Variants in MAGI2 observed in about 807,000 individuals in gnomAD.
MAGI2 encodes membrane associated guanylate kinase, WW and PDZ domain containing 2.
In MAGI2, 35 loss-of-function variants were observed where a neutral mutation model predicts 133.3. The ratio of observed to expected loss-of-function variants is 0.26; its 90% CI spans 0.20 to 0.35. The LOEUF is 0.35. MAGI2 is among the 10% of genes least tolerant of loss of function. The pLI is 1.00. For missense variants in MAGI2, 1,636 were observed against 1,863.4 expected, an observed-to-expected ratio of 0.88 and a Z score of 2.25; for synonymous variants, 729 against 710.6, an observed-to-expected ratio of 1.03 and a Z score of -0.41.
intron 6 of MAGI2, among the ~76,000 whole-genome samples, chr7:78,383,549 A>C (rs1795115504): frequency 6.6e-6 from 1 of 152,086 alleles, no homozygotes; most frequent in Non-Finnish European, 1.5e-5. Context: ...TCCATTCAAC[A>C]TGCTGTCTTT....
At chr7:79,429,845 C>T (rs1397709082) in intron 1 of MAGI2, among the ~76,000 whole-genome samples, 1 of 151,836 alleles carries the variant, frequency 6.6e-6, no homozygotes, top group Non-Finnish European at 1.5e-5. Flanking sequence ...CAGAAGTCTA[C>T]CAAATGATTA....
At chr7:78,622,131 AAGAAGAAACAGGG>A (rs1472786314) in intron 3 of MAGI2, among the ~76,000 whole-genome samples, 2 of 152,048 alleles carry the variant, frequency 1.3e-5, no homozygotes, top group Non-Finnish European at 2.9e-5. Flanking sequence ...TCAGATGAGC[AAGAAGAAACAGGG>A]TTTATGGCTC....
chr7:78,100,079 G>C (rs1818069901), intron 20 of MAGI2, among the ~76,000 whole-genome samples: 1 of 152,172 alleles, frequency 6.6e-6, no homozygotes, highest in Admixed American at 6.5e-5. Context: ...TGGGAGCTCA[G>C]ATATGAGACA....
At chr7:78,281,961 TTTTCACTGTGAGTTC>T (rs1795645053) in intron 9 of MAGI2, among the ~76,000 whole-genome samples, 1 of 151,930 alleles carries the variant, frequency 6.6e-6, no homozygotes, top group African/African-American at 2.4e-5. Context: ...TCTTACAGAA[TTTTCACTGTGAGTTC>T]TTTCAAGAGA....
chr7:78,304,013 T>C (rs1798060862), intron 9 of MAGI2, among the ~76,000 whole-genome samples: 1 of 152,220 alleles, frequency 6.6e-6, no homozygotes. Flanking sequence ...GATGGCAATG[T>C]CATTATACAG....
At chr7:78,256,679 C>A (rs1011488682) in intron 9 of MAGI2, 98 bp from the exon 10 acceptor site, 3 of 1,003,928 alleles carry the variant, frequency 3.0e-6, no homozygotes, top group South Asian at 1.5e-5. Flanking sequence ...GGTGTTGTTT[C>A]TTAGTAAGCA....
chr7:78,842,426 C>T (rs1161778095), intron 2 of MAGI2, among the ~76,000 whole-genome samples: 1 of 151,814 alleles, frequency 6.6e-6, no homozygotes, highest in Non-Finnish European at 1.5e-5. Flanking sequence ...GTATTTTTTT[C>T]TTCAGTCATC....
At chr7:79,190,284 C>G (rs1403637264) in intron 1 of MAGI2, among the ~76,000 whole-genome samples, 2 of 151,804 alleles carry the variant, frequency 1.3e-5, no homozygotes, top group Admixed American at 1.3e-4. Flanking sequence ...TCCTCACCAG[C>G]AATTGGTGTT....
chr7:78,019,268 A>T lies in MAGI2; in HGVS notation c.*47T>A. 1 of 1,572,904 alleles carries T rather than the reference A, an allele frequency of 6.4e-7. No individual in the cohort carries two copies. On this transcript the variant is annotated 3_prime_UTR_variant, in exon 22 of 22. Coordinates refer to ENST00000354212, the MANE Select transcript of MAGI2 (RefSeq NM_012301.4). The stretch of plus-strand genomic sequence containing the variant: ...AAAACGCCGTGAGACGGAACCTAAG[A>T]AGAACTGCCTGCGCCGGGGCGGGCG...
At chr7:78,972,056 G>A (rs1002391120) in intron 2 of MAGI2, among the ~76,000 whole-genome samples, 1 of 151,828 alleles carries the variant, frequency 6.6e-6, no homozygotes, top group African/African-American at 2.4e-5. Flanking sequence ...AACTGCGCCT[G>A]CAGCATGATC....
At chr7:79,235,926 A>C (rs998136034) in intron 1 of MAGI2, among the ~76,000 whole-genome samples, 2 of 152,214 alleles carry the variant, frequency 1.3e-5, no homozygotes, top group African/African-American at 4.8e-5. Flanking sequence ...GGTGCTCAAT[A>C]AACAGTTGTT....
At chr7:78,998,959 GT>G (rs1380156129) in intron 2 of MAGI2, among the ~76,000 whole-genome samples, 2 of 152,124 alleles carry the variant, frequency 1.3e-5, no homozygotes, top group African/African-American at 4.8e-5. Context: ...CAGATTCTGA[GT>G]TCCCTGAAAG....
chr7:78,193,466 G>A (rs952061687), intron 12 of MAGI2, among the ~76,000 whole-genome samples: 1 of 152,098 alleles, frequency 6.6e-6, no homozygotes, highest in Admixed American at 6.5e-5. Flanking sequence ...ACTCATCTTT[G>A]GTATCTCCTC....
At chr7:78,167,380 A>G (rs2150639670) in intron 15 of MAGI2, among the ~76,000 whole-genome samples, 1 of 152,304 alleles carries the variant, frequency 6.6e-6, no homozygotes, top group South Asian at 2.1e-4. Flanking sequence ...GGGAATGATT[A>G]TTTCCAATTT....
chr7:78,661,490 T>C (rs1310874369), intron 2 of MAGI2, among the ~76,000 whole-genome samples: 1 of 152,206 alleles, frequency 6.6e-6, no homozygotes, highest in Non-Finnish European at 1.5e-5. Flanking sequence ...ATTTCTCTAG[T>C]CATCCAGATA....
intron 2 of MAGI2, among the ~76,000 whole-genome samples, chr7:78,781,252 G>T (rs954557966): frequency 6.6e-6 from 1 of 151,812 alleles, no homozygotes; most frequent in African/African-American, 2.4e-5. Flanking sequence ...GGTGGCGGGC[G>T]CCTGTAGTCC....
Position 78,283,129 on chromosome 7 carries a change from T to C in MAGI2, c.1409-26548A>G, listed in dbSNP as rs1485684979. On this transcript the variant is annotated intron_variant, in intron 9 of 21. Transcript: ENST00000354212. The stretch of plus-strand genomic sequence containing the variant: ...ACTTCTGCCTCCCAAAGTGCTGGGA[T>C]TATGGATTTCCTTTGAAAATAATTT... Among the ~76,000 whole-genome samples, 5 of 152,234 alleles carry C rather than the reference T, an allele frequency of 3.3e-5. No individual in the cohort carries two copies. In the East Asian group the frequency reaches 9.7e-4, roughly 29 times the overall value.
intron 1 of MAGI2, among the ~76,000 whole-genome samples, chr7:79,165,706 C>G (rs912945080): frequency 3.3e-5 from 5 of 152,080 alleles, no homozygotes; most frequent in African/African-American, 1.2e-4. Flanking sequence ...TATTATATCA[C>G]AGTTTTCTTC....
At chr7:78,433,018 G>A (rs796629552) in intron 6 of MAGI2, among the ~76,000 whole-genome samples, 44 of 152,076 alleles carry the variant, frequency 2.9e-4, no homozygotes, top group African/African-American at 7.9e-4. Context: ...TTATTTGCTT[G>A]CAATTCCCAT....
Sources: allele counts gnomAD v4.1 joint callset (sites outside exome capture counted in the v4.1 genomes callset), GRCh38; gene constraint gnomAD v4.1.1; transcripts MANE v1.5; gene names NCBI Gene and HGNC (gene_info 2026-07-23, HGNC 2026-07-21).